The following ARHGAP22 variants were observed in gnomAD, a reference collection of about 807,000 sequenced individuals.
ARHGAP22 encodes Rho GTPase activating protein 22.
A neutral mutation model predicts 59.1 loss-of-function variants in ARHGAP22; 48 were observed. That is an observed-to-expected ratio of 0.81 (90% CI 0.64 to 1.03). The LOEUF is 1.03. ARHGAP22 is among the 50% of genes least tolerant of loss of function. The probability of loss-of-function intolerance (pLI) is 0.00; values close to 1 mark genes in which losing one functional copy is unlikely to be tolerated. For synonymous variants in ARHGAP22, 445 were observed against 416.4 expected (o/e 1.07, Z -0.84); for missense variants, 1,015 against 958.7 (o/e 1.06, Z -0.78).
intron 3 of ARHGAP22, among the ~76,000 whole-genome samples, chr10:48,498,492 C>T (rs943059040): frequency 6.6e-6 from 1 of 152,182 alleles, no homozygotes; most frequent in Non-Finnish European, 1.5e-5. Context: ...CCCCACCAGT[C>T]CCAGCACAAG....
intron 3 of ARHGAP22, among the ~76,000 whole-genome samples, chr10:48,482,156 C>T (rs1018252310): frequency 6.6e-6 from 1 of 152,072 alleles, no homozygotes; most frequent in African/African-American, 2.4e-5. Context: ...AGTGTGCTTC[C>T]TGCATTGTAT....
At chr10:48,601,371 TG>T (rs1249830382) in intron 1 of ARHGAP22, among the ~76,000 whole-genome samples, 1 of 152,222 alleles carries the variant, frequency 6.6e-6, no homozygotes, top group East Asian at 1.9e-4. Context: ...CCTGCAGCCT[TG>T]GGGCAAAACC....
At chr10:48,460,061 A>G (rs1255368990) in intron 4 of ARHGAP22, among the ~76,000 whole-genome samples, 170 bp from the exon 5 acceptor site, 5 of 152,190 alleles carry the variant, frequency 3.3e-5, no homozygotes, top group South Asian at 2.1e-4. Context: ...CCGCCCGGAC[A>G]CATGCTGGGA....
chr10:48,500,008 CAT>C (rs781345109), intron 3 of ARHGAP22, among the ~76,000 whole-genome samples: 21 of 151,890 alleles, frequency 1.4e-4, no homozygotes, highest in Non-Finnish European at 2.2e-4. Flanking sequence ...TGAAAGAAAA[CAT>C]AGTGAAGTCC....
chr10:48,543,896 C>A (rs1036449145), intron 3 of ARHGAP22, among the ~76,000 whole-genome samples: 1 of 151,950 alleles, frequency 6.6e-6, no homozygotes, highest in African/African-American at 2.4e-5. Flanking sequence ...CCAAGGTGGG[C>A]CGATTGCCTG....
intron 3 of ARHGAP22, among the ~76,000 whole-genome samples, chr10:48,543,068 G>C (rs1041598864): frequency 2.0e-5 from 3 of 152,096 alleles, no homozygotes; most frequent in African/African-American, 7.2e-5. Context: ...GGGGCCCCTG[G>C]GTGTCTGTGA....
intron 1 of ARHGAP22, among the ~76,000 whole-genome samples, chr10:48,599,923 T>C (rs940817481): frequency 3.9e-5 from 6 of 152,178 alleles, no homozygotes; most frequent in Non-Finnish European, 8.8e-5. Flanking sequence ...CTGGCATCCC[T>C]GGGGGCATGA....
intron 3 of ARHGAP22, among the ~76,000 whole-genome samples, chr10:48,485,940 A>C (rs940895093): frequency 2.0e-5 from 3 of 152,166 alleles, no homozygotes; most frequent in Non-Finnish European, 4.4e-5. Flanking sequence ...CCAATCTGAT[A>C]AGCTTTATTT....
At chr10:48,597,262 G>A (rs1734645523) in intron 1 of ARHGAP22, among the ~76,000 whole-genome samples, 1 of 152,122 alleles carries the variant, frequency 6.6e-6, no homozygotes, top group Non-Finnish European at 1.5e-5. Flanking sequence ...CTCTGTAGAT[G>A]ATCTGCTTGG....
Position 48,610,946 on chromosome 10 carries a change from C to T in ARHGAP22, c.53-27794G>A, listed in dbSNP as rs149637110. ...GTCCTTTTCAGAAGCAGGCTCAGAG[C>T]GGCTTAGTTCCATGCCTACCACACT... is the stretch of plus-strand genomic sequence containing the variant. On this transcript the variant is annotated intron_variant, in intron 1 of 9. Coordinates refer to the ARHGAP22 transcript ENST00000435790. 3.7e-3 allele frequency among the ~76,000 whole-genome samples: 560 copies of T among 152,300 alleles called. 5 individuals are homozygous for T. Among genetic ancestry groups the T allele is most frequent in the African/African-American group, 0.013 (534 of 41,556 alleles).
chr10:48,605,729 CT>C (rs1365042304), upstream of ARHGAP22, among the ~76,000 whole-genome samples: 1 of 152,208 alleles, frequency 6.6e-6, no homozygotes, highest in East Asian at 1.9e-4. Context: ...TAGGCACCTA[CT>C]ATGTGTCAGG....
the ARHGAP22 span, among the ~76,000 whole-genome samples, chr10:48,439,778 G>A: frequency 6.6e-6 from 1 of 152,202 alleles, no homozygotes; most frequent in African/African-American, 2.4e-5. Context: ...GCTGCTGTGT[G>A]GGAATACAGG....
At chr10:48,451,950 C>A (rs1343981653) in intron 8 of ARHGAP22, among the ~76,000 whole-genome samples, 4 of 147,520 alleles carry the variant, frequency 2.7e-5, no homozygotes, top group African/African-American at 1.0e-4. Context: ...CACCCACTGC[C>A]CAAAATCCGC....
chr10:48,561,882 TAA>T (rs1298951229), intron 2 of ARHGAP22, among the ~76,000 whole-genome samples: 3 of 152,224 alleles, frequency 2.0e-5, no homozygotes, highest in African/African-American at 7.2e-5. Flanking sequence ...CTGTTGGTGG[TAA>T]TGTTAAACGA....
chr10:48,451,227 G>T (rs1239549594), intron 8 of ARHGAP22, 87 bp from the exon 9 acceptor site: 1 of 1,522,716 alleles, frequency 6.6e-7, no homozygotes, highest in East Asian at 2.5e-5. Context: ...CTGCAGCTTC[G>T]TGGGAGCTGG....
At chr10:48,539,448 C>T (rs1030003341) in intron 3 of ARHGAP22, among the ~76,000 whole-genome samples, 2 of 150,974 alleles carry the variant, frequency 1.3e-5, no homozygotes, top group Non-Finnish European at 3.0e-5. Context: ...CCCGCCACTA[C>T]GCCCGGCTAA....
chr10:48,634,953 G>C (rs752372534), intron 1 of ARHGAP22, among the ~76,000 whole-genome samples: 6 of 152,192 alleles, frequency 3.9e-5, no homozygotes, highest in Admixed American at 1.3e-4. Context: ...AAGCCAAGGA[G>C]AGAGGAGAAA....
intron 7 of ARHGAP22, 49 bp from the exon 8 acceptor site, chr10:48,453,474 C>T (rs1329268053): frequency 2.5e-6 from 4 of 1,609,288 alleles, no homozygotes; most frequent in African/African-American, 2.7e-5. Flanking sequence ...TTGTGATGCC[C>T]AGTCTCCTGT....
At position 48,630,169 on chromosome 10, in the gene ARHGAP22, G is replaced by A. The variant is rs192760651; in HGVS notation, c.52+22065C>T. On this transcript the variant is annotated intron_variant, in intron 1 of 9. Transcript: ENST00000435790. ...TGCAGTGGCGCTATCTCAGCTCACT[G>A]CAACCTCCACCTCCCTGGTTCAAGT... Among the ~76,000 whole-genome samples the A allele has an allele frequency of 1.5e-3, 231 of 152,238 alleles. 1 individual carries two copies. Among genetic ancestry groups the A allele is most frequent in the African/African-American group, 5.2e-3 (217 of 41,540 alleles).
Sources: gnomAD v4.1 joint callset for allele counts (sites outside exome capture counted in the v4.1 genomes callset) on GRCh38, gnomAD v4.1.1 for gene constraint, MANE v1.5 for transcripts, NCBI Gene and HGNC (gene_info 2026-07-23, HGNC 2026-07-21) for gene names.